APBB2: variants seen among roughly 807,000 people sequenced by gnomAD.
APBB2 encodes Fe65-like 1.
In APBB2, 38 loss-of-function variants were observed where a neutral mutation model predicts 82.5. The ratio of observed to expected loss-of-function variants is 0.46; its 90% CI spans 0.36 to 0.60. The LOEUF (loss-of-function observed/expected upper bound fraction) is 0.60, where lower values mean the gene tolerates loss of function less well. Ranked by LOEUF, APBB2 falls within the 20% of genes least tolerant of loss-of-function variation. The probability of loss-of-function intolerance (pLI) is 0.00; values close to 1 mark genes in which losing one functional copy is unlikely to be tolerated. For missense variants in APBB2, 772 were observed against 972.3 expected, an observed-to-expected ratio of 0.79 and a Z score of 2.74; for synonymous variants, 341 against 368.2, an observed-to-expected ratio of 0.93 and a Z score of 0.85.
intron 5 of APBB2, among the ~76,000 whole-genome samples, chr4:41,019,035 T>C (rs989276979): frequency 2.6e-5 from 4 of 152,216 alleles, no homozygotes; most frequent in Non-Finnish European, 5.9e-5. Context: ...GAAGTGAGGA[T>C]TGAAGAGTCT....
At chr4:40,974,051 A>C (rs559346044) in intron 6 of APBB2, among the ~76,000 whole-genome samples, 1 of 151,976 alleles carries the variant, frequency 6.6e-6, no homozygotes, top group East Asian at 1.9e-4. Context: ...ACGGGGTTTC[A>C]TTACGGTGGT....
Position 40,812,671 on chromosome 4 carries a change from CAG to C in APBB2, c.*3419_*3420del, listed in dbSNP as rs1744650188. 1 of 152,212 alleles carries C rather than the reference CAG, an allele frequency of 6.6e-6. No homozygotes were observed. The highest frequency in any genetic ancestry group is 1.5e-5 in the Non-Finnish European group (1 of 68,046). 9.4% of individuals were successfully genotyped at this position (152,212 alleles called of 1,614,324 possible). ...CTGGGACATGAACGGGCCATACAAACAGAGGAAAGCTCTGGGGCTTCCAGGCA... is the reference window on the plus strand; with the variant it reads ...CTGGGACATGAACGGGCCATACAAACAGGAAAGCTCTGGGGCTTCCAGGCA... On this transcript the variant is annotated 3_prime_UTR_variant, in exon 18 of 18. Transcript: ENST00000508593.
intron 5 of APBB2, among the ~76,000 whole-genome samples, chr4:41,026,531 T>C (rs1207861379): frequency 1.3e-5 from 2 of 152,184 alleles, no homozygotes. Context: ...CAAACACTAA[T>C]CTTTGTTTTT....
At chr4:41,132,088 A>C (rs980309547) in intron 2 of APBB2, among the ~76,000 whole-genome samples, 1 of 151,622 alleles carries the variant, frequency 6.6e-6, no homozygotes, top group African/African-American at 2.4e-5. Flanking sequence ...TAAAACTTCA[A>C]GTATTCCATA....
At chr4:40,889,686 G>T (rs1156422690) in intron 12 of APBB2, among the ~76,000 whole-genome samples, 4 of 152,200 alleles carry the variant, frequency 2.6e-5, no homozygotes, top group Non-Finnish European at 5.9e-5. Flanking sequence ...TATTTTATTA[G>T]TTAAAATACA....
At chr4:41,089,321 C>G (rs1356882818) in intron 3 of APBB2, among the ~76,000 whole-genome samples, 1 of 152,112 alleles carries the variant, frequency 6.6e-6, no homozygotes, top group Non-Finnish European at 1.5e-5. Flanking sequence ...GTTAATCATC[C>G]CTAATCTGAA....
intron 5 of APBB2, among the ~76,000 whole-genome samples, chr4:41,016,605 C>T (rs769003626): frequency 6.6e-6 from 1 of 151,816 alleles, no homozygotes. Flanking sequence ...GAGACGAGAT[C>T]GCCCCATTGC....
chr4:40,875,247 G>A (rs571120142), intron 12 of APBB2, among the ~76,000 whole-genome samples: 25 of 152,312 alleles, frequency 1.6e-4, no homozygotes, highest in Non-Finnish European at 1.9e-4. Flanking sequence ...ATCAGGGGTG[G>A]ACAAACAGGT....
At chr4:40,837,126 C>A (rs943671615) in intron 12 of APBB2, among the ~76,000 whole-genome samples, 1 of 152,238 alleles carries the variant, frequency 6.6e-6, no homozygotes, top group Admixed American at 6.5e-5. Context: ...GTGTTCCTGA[C>A]AGACTGTGCA....
At position 41,012,864 on chromosome 4, in the gene APBB2, T is replaced by C. The variant is rs548866753; in HGVS notation, c.835+719A>G. Among the ~76,000 whole-genome samples, 57 of 152,344 alleles carry C rather than the reference T, an allele frequency of 3.7e-4. No individual in the cohort carries two copies. The South Asian group carries it at 0.011, about 30-fold the overall frequency. On this transcript the variant is annotated intron_variant, in intron 6 of 17. Coordinates refer to ENST00000508593, the MANE Select transcript of APBB2 (RefSeq NM_004307.2). ...TAGTGGGAGCTATAAGAAAATGATA[T>C]TTAAAGTAGCTGACTTTTAGGATCC... is the stretch of plus-strand genomic sequence containing the variant.
intron 3 of APBB2, among the ~76,000 whole-genome samples, chr4:41,077,477 C>T (rs7695683): frequency 0.049 from 7,384 of 151,812 alleles, 375 homozygotes; most frequent in African/African-American, 0.13. Context: ...TTTTAAATAC[C>T]CTAAAAGCAT....
chr4:40,963,374 G>C (rs1334558657), intron 6 of APBB2, among the ~76,000 whole-genome samples: 1 of 151,966 alleles, frequency 6.6e-6, no homozygotes, highest in African/African-American at 2.4e-5. Context: ...AGCTTCCTGA[G>C]TGGCTAGGAC....
chr4:41,034,564 AT>A (rs1718392023), intron 4 of APBB2, among the ~76,000 whole-genome samples: 2 of 152,346 alleles, frequency 1.3e-5, no homozygotes, highest in South Asian at 4.1e-4. Flanking sequence ...ACCTCAAGTG[AT>A]CCGCCCACCT....
intron 3 of APBB2, among the ~76,000 whole-genome samples, chr4:41,099,577 TA>T (rs1224119500): frequency 2.6e-5 from 4 of 152,132 alleles, no homozygotes; most frequent in Admixed American, 1.3e-4. Flanking sequence ...TATTACAAAA[TA>T]AAACCCAATT....
chr4:40,902,199 T>C (rs1396065961), intron 10 of APBB2, among the ~76,000 whole-genome samples: 1 of 151,964 alleles, frequency 6.6e-6, no homozygotes. Flanking sequence ...TAATGTTAAG[T>C]AAGGATTTAC....
intron 11 of APBB2, among the ~76,000 whole-genome samples, chr4:40,891,221 G>T (rs774578491): frequency 2.0e-5 from 3 of 152,172 alleles, no homozygotes; most frequent in Non-Finnish European, 4.4e-5. Context: ...GAACACCCAG[G>T]TTTCTCAACT....
intron 2 of APBB2, among the ~76,000 whole-genome samples, chr4:41,101,526 A>G (rs1210913252): frequency 6.6e-6 from 1 of 150,784 alleles, no homozygotes. Context: ...CAACTTAAGG[A>G]AAGTTATCAA....
At chr4:41,130,897 T>C (rs1408879648) in intron 2 of APBB2, among the ~76,000 whole-genome samples, 1 of 152,174 alleles carries the variant, frequency 6.6e-6, no homozygotes, top group African/African-American at 2.4e-5. Context: ...CTTAGGATCC[T>C]GTGGCCTTCA....
At chr4:41,179,942 G>C (rs960217373) in intron 1 of APBB2, among the ~76,000 whole-genome samples, 1 of 152,202 alleles carries the variant, frequency 6.6e-6, no homozygotes, top group African/African-American at 2.4e-5. Flanking sequence ...AAACAAAATG[G>C]TACTTGATAA....
Sources: allele counts gnomAD v4.1 joint callset (sites outside exome capture counted in the v4.1 genomes callset), GRCh38; gene constraint gnomAD v4.1.1; transcripts MANE v1.5; gene names NCBI Gene and HGNC (gene_info 2026-07-23, HGNC 2026-07-21).